BRINP3: variants seen among roughly 807,000 people sequenced by gnomAD.
BRINP3 encodes BMP/retinoic acid inducible neural specific 3.
In BRINP3, 19 loss-of-function variants were observed where a neutral mutation model predicts 71.0. The ratio of observed to expected loss-of-function variants is 0.27; its 90% CI spans 0.19 to 0.39. The LOEUF (loss-of-function observed/expected upper bound fraction) is 0.39. Among genes scored for constraint, BRINP3 ranks in the 10% least tolerant of loss-of-function variants. The pLI, the probability that BRINP3 is intolerant of heterozygous loss-of-function variation, is 1.00. For synonymous variants in BRINP3, 380 were observed against 337.7 expected (o/e 1.13, Z -1.37); for missense variants, 959 against 940.8 (o/e 1.02, Z -0.25).
At chr1:190,464,618 G>T (rs578144204) in intron 1 of BRINP3, among the ~76,000 whole-genome samples, 1 of 151,528 alleles carries the variant, frequency 6.6e-6, no homozygotes, top group Non-Finnish European at 1.5e-5. Flanking sequence ...AATATTTTTG[G>T]GCTGCTTTAT....
intron 2 of BRINP3, among the ~76,000 whole-genome samples, chr1:190,412,129 A>G (rs1347377707): frequency 6.6e-6 from 1 of 152,022 alleles, no homozygotes; most frequent in African/African-American, 2.4e-5. Flanking sequence ...CAATACCTAA[A>G]ATAGCAGAAC....
At chr1:190,232,502 G>A (rs899995058) in intron 5 of BRINP3, among the ~76,000 whole-genome samples, 4 of 151,956 alleles carry the variant, frequency 2.6e-5, no homozygotes, top group South Asian at 2.1e-4. Context: ...ACTTTGTACC[G>A]ATAGGTGTAT....
chr1:190,297,775 T>G (rs1391289665), intron 2 of BRINP3, among the ~76,000 whole-genome samples: 4 of 137,734 alleles, frequency 2.9e-5, no homozygotes, highest in Admixed American at 2.3e-4. Context: ...GAATTCTGTT[T>G]TCTCGTGTGT....
intron 5 of BRINP3, among the ~76,000 whole-genome samples, chr1:190,228,954 G>A (rs1657672016): frequency 6.6e-6 from 1 of 152,024 alleles, no homozygotes; most frequent in Non-Finnish European, 1.5e-5. Flanking sequence ...TACAAGCTGA[G>A]AACCACAGAG....
intron 4 of BRINP3, among the ~76,000 whole-genome samples, chr1:190,260,231 A>G (rs1661065153): frequency 6.6e-6 from 1 of 152,108 alleles, no homozygotes; most frequent in Non-Finnish European, 1.5e-5. Flanking sequence ...AATGTATGAC[A>G]TGAAGATTAT....
At chr1:190,227,478 T>C (rs552841306) in intron 5 of BRINP3, among the ~76,000 whole-genome samples, 10 of 151,854 alleles carry the variant, frequency 6.6e-5, no homozygotes, top group African/African-American at 2.2e-4. Flanking sequence ...AAGATACAAA[T>C]ATGAGGGTGA....
chr1:190,128,551 T>C (rs1453573788), intron 7 of BRINP3, among the ~76,000 whole-genome samples: 2 of 151,790 alleles, frequency 1.3e-5, no homozygotes, highest in Non-Finnish European at 3.0e-5. Context: ...AATATCAACT[T>C]GATCTAGAAT....
At chr1:190,137,582 T>C (rs1051303971) in intron 7 of BRINP3, among the ~76,000 whole-genome samples, 6 of 152,202 alleles carry the variant, frequency 3.9e-5, no homozygotes, top group Admixed American at 2.6e-4. Flanking sequence ...TCATAGAAAC[T>C]GAAAAGAGAG....
chr1:190,158,709 A>G (rs1160229683), intron 7 of BRINP3, among the ~76,000 whole-genome samples: 2 of 152,056 alleles, frequency 1.3e-5, no homozygotes, highest in African/African-American at 4.8e-5. Context: ...GAAAAAGAAA[A>G]TGACATTAAA....
At chr1:190,383,141 T>C (rs527698269) in intron 2 of BRINP3, among the ~76,000 whole-genome samples, 8 of 152,166 alleles carry the variant, frequency 5.3e-5, no homozygotes, top group Admixed American at 1.3e-4. Context: ...GGAAAGTATC[T>C]AACTGGGTGC....
At chr1:190,149,931 G>A (rs1656238741) in intron 7 of BRINP3, among the ~76,000 whole-genome samples, 2 of 152,024 alleles carry the variant, frequency 1.3e-5, no homozygotes, top group South Asian at 4.1e-4. Flanking sequence ...TCTATTTGTT[G>A]TTGTCTGAAG....
intron 6 of BRINP3, among the ~76,000 whole-genome samples, chr1:190,174,479 T>C (rs1346300528): frequency 2.0e-5 from 3 of 152,048 alleles, no homozygotes; most frequent in Non-Finnish European, 4.4e-5. Context: ...CACATAAATA[T>C]GATATATATA....
At chr1:190,379,600 G>A (rs1452347145) in intron 2 of BRINP3, among the ~76,000 whole-genome samples, 3 of 152,096 alleles carry the variant, frequency 2.0e-5, no homozygotes, top group Admixed American at 2.0e-4. Flanking sequence ...CTGGGAACAG[G>A]GCCTGAAGAT....
intron 2 of BRINP3, among the ~76,000 whole-genome samples, chr1:190,390,761 G>A (rs1041138568): frequency 1.3e-5 from 2 of 151,748 alleles, no homozygotes; most frequent in African/African-American, 4.8e-5. Context: ...ATATTTCAGT[G>A]CAAGAAGCTA....
rs34792964 is a variant in BRINP3 at position 190,263,587 on chromosome 1, C to CTTT, written c.618+1275_618+1277dup. 3.6e-3 allele frequency among the ~76,000 whole-genome samples: 462 copies of CTTT among 129,442 alleles called. 2 individuals carry two copies. The highest frequency in any genetic ancestry group is 0.012 in the African/African-American group (423 of 35,254). 84.9% of individuals were successfully genotyped at this position (129,442 alleles called of 152,430 possible). ...TTTAAGTTGAAAGTTGAAGTAGTAA[C>CTTT]TTTTTTTTTTTTTTTTTTTTGAAAC... On this transcript the variant is annotated intron_variant, in intron 4 of 7. Transcript: ENST00000367462.
chr1:190,293,858 C>G (rs1272297240), intron 2 of BRINP3, among the ~76,000 whole-genome samples: 1 of 151,900 alleles, frequency 6.6e-6, no homozygotes, highest in Non-Finnish European at 1.5e-5. Context: ...TTTTGGTTTT[C>G]ATTTTCATAG....
At chr1:190,284,622 A>G (rs1663281635) in intron 2 of BRINP3, among the ~76,000 whole-genome samples, 1 of 152,044 alleles carries the variant, frequency 6.6e-6, no homozygotes, top group Admixed American at 6.6e-5. Context: ...CTTCCTGGAC[A>G]ACTTTCCAGA....
chr1:190,258,940 GA>G (rs1190007683), intron 4 of BRINP3, among the ~76,000 whole-genome samples: 1 of 152,084 alleles, frequency 6.6e-6, no homozygotes, highest in African/African-American at 2.4e-5. Context: ...TTAAGTTCTT[GA>G]AACTGAACTC....
chr1:190,288,965 A>T (rs747799584), intron 2 of BRINP3, among the ~76,000 whole-genome samples: 156 of 152,034 alleles, frequency 1.0e-3, no homozygotes, highest in Non-Finnish European at 1.8e-3. Context: ...TTTAGGCAAC[A>T]TTTCCACTGA....
Sources: allele counts gnomAD v4.1 joint callset (sites outside exome capture counted in the v4.1 genomes callset), GRCh38; gene constraint gnomAD v4.1.1; transcripts MANE v1.5; gene names NCBI Gene and HGNC (gene_info 2026-07-23, HGNC 2026-07-21).